Variants in MAEA observed in about 807,000 individuals in gnomAD.
MAEA encodes the protein macrophage erythroblast attacher, E3 ubiquitin ligase, also known as E3 ubiquitin-protein transferase MAEA.
MAEA carries 22 observed loss-of-function variants against 46.2 expected under a neutral mutation model. That is an observed-to-expected ratio of 0.48 (90% CI 0.34 to 0.68). The LOEUF is 0.68. Ranked by LOEUF, MAEA falls within the 30% of genes least tolerant of loss-of-function variation. The pLI, the probability that MAEA is intolerant of heterozygous loss-of-function variation, is 0.01. For synonymous variants in MAEA, 246 were observed against 222.6 expected (o/e 1.11, Z -0.94); for missense variants, 393 against 558.1 (o/e 0.70, Z 2.98).
intron 5 of MAEA, 137 bp from the exon 6 acceptor site, chr4:1,332,620 C>T: frequency 1.6e-6 from 1 of 611,702 alleles, no homozygotes; most frequent in South Asian, 2.0e-5. Flanking sequence ...GGGAAGATCG[C>T]CTGAGCCTGA....
In MAEA at chr4:1,289,891, G is replaced by C. The variant is rs768813306; in HGVS notation, c.-23G>C. 6.3e-7 allele frequency: 1 copy of C among 1,584,308 alleles called. No homozygotes were observed. The highest frequency in any genetic ancestry group is 8.6e-7 in the Non-Finnish European group (1 of 1,163,876). ...CAGCGCGCTCGCGCGTCCCCCGCCC[G>C]CTAATGTTTTGGCCGCTTCAAGATG... On this transcript the variant is annotated 5_prime_UTR_variant, in exon 1 of 9. Transcript: ENST00000303400.
chr4:1,327,796 A>T (rs76610741), intron 5 of MAEA, 93 bp downstream of exon 5: 252 of 954,176 alleles, frequency 2.6e-4, no homozygotes, highest in Admixed American at 9.6e-4. Flanking sequence ...GGGTCCTGGG[A>T]CGTCCCCTGG....
At position 1,315,403 on chromosome 4, in the gene MAEA, GA is replaced by G; in HGVS notation, c.261del (p.Glu87AspfsTer42). ...KLSVLKRKAV[E>X]SIQAEDESAK... ...TCTGTTGTGTGTGGCTCAGGCGGTG[GA>G]ATCCATCCAGGCCGAGGACGAGAGC... On this transcript the variant is annotated frameshift_variant, in exon 3 of 9. Transcript: ENST00000303400. LOFTEE classifies it high-confidence loss of function. 1 of 1,613,846 alleles carries G rather than the reference GA, an allele frequency of 6.2e-7. No individual in the cohort carries two copies. Among genetic ancestry groups the G allele is most frequent in the East Asian group, 2.2e-5 (1 of 44,878 alleles).
At chr4:1,297,474 TAC>T (rs1434300445) in intron 1 of MAEA, among the ~76,000 whole-genome samples, 1 of 152,202 alleles carries the variant, frequency 6.6e-6, no homozygotes, top group African/African-American at 2.4e-5. Context: ...TGTGTGTGTA[TAC>T]ATACATATAG....
intron 1 of MAEA, among the ~76,000 whole-genome samples, chr4:1,310,817 C>T (rs1294161731): frequency 2.0e-5 from 3 of 152,176 alleles, no homozygotes; most frequent in African/African-American, 4.8e-5. Context: ...CGCCTCCTGC[C>T]CCTGCTTTCG....
At chr4:1,308,255 A>G (rs2108894540) in intron 1 of MAEA, among the ~76,000 whole-genome samples, 1 of 152,246 alleles carries the variant, frequency 6.6e-6, no homozygotes, top group South Asian at 2.1e-4. Flanking sequence ...GTGCAGTGAG[A>G]ATGCAGTATC....
intron 5 of MAEA, chr4:1,330,231 G>C (rs1374373638): frequency 5.4e-6 from 4 of 736,872 alleles, no homozygotes; most frequent in Non-Finnish European, 6.6e-6. Flanking sequence ...GGCTTTGTGT[G>C]AGCAGCTCCG....
At chr4:1,328,785 C>T (rs937843837) in intron 5 of MAEA, 9 of 1,106,766 alleles carry the variant, frequency 8.1e-6, no homozygotes, top group Middle Eastern at 5.5e-4. Context: ...GGTCCTGCTC[C>T]GGCTCCTGAT....
At position 1,339,217 on chromosome 4, in the gene MAEA, G is replaced by A. The variant is rs373660493; in HGVS notation, c.*48G>A. 300 of 1,404,664 alleles carry A rather than the reference G, an allele frequency of 2.1e-4. No homozygotes were observed. The African/African-American group carries it at 3.9e-3, about 18-fold the overall frequency. The allele number at this position is 1,404,664 out of a possible 1,614,324, so 87.0% of individuals were successfully genotyped here. On this transcript the variant is annotated 3_prime_UTR_variant, in exon 9 of 9. Transcript: ENST00000303400. The stretch of plus-strand genomic sequence containing the variant: ...CCTCGGGGACGGGCTGCAGTGGGCG[G>A]GGAGGCCACGCCTTCCTCCTGTCCC...
chr4:1,291,763 A>G, intron 1 of MAEA, among the ~76,000 whole-genome samples: 1 of 152,366 alleles, frequency 6.6e-6, no homozygotes, highest in East Asian at 1.9e-4. Flanking sequence ...ATTCTTCTTC[A>G]GGTCTTCTGC....
At chr4:1,299,761 C>T (rs959257880) in intron 1 of MAEA, 4 of 152,358 alleles carry the variant, frequency 2.6e-5, no homozygotes, top group African/African-American at 9.7e-5. Context: ...CATGTCCTCA[C>T]CTCCTTCAAT....
chr4:1,296,829 G>C (rs553827841), intron 1 of MAEA, among the ~76,000 whole-genome samples: 1 of 152,194 alleles, frequency 6.6e-6, no homozygotes, highest in South Asian at 2.1e-4. Flanking sequence ...CCATCACTCG[G>C]CTCCCGTGAC....
intron 1 of MAEA, among the ~76,000 whole-genome samples, chr4:1,291,323 A>T (rs911778319): frequency 6.6e-6 from 1 of 152,216 alleles, no homozygotes; most frequent in Non-Finnish European, 1.5e-5. Flanking sequence ...GTGGGGTTTC[A>T]TGGTGCTTGT....
Position 1,332,876 on chromosome 4 carries a change from C to T in MAEA, c.765+11C>T, listed in dbSNP as rs201030783. On this transcript the variant is annotated intron_variant, in intron 6 of 8. Coordinates refer to ENST00000303400, the MANE Select transcript of MAEA (RefSeq NM_001017405.3). ...ATCTCCCCGTACAAGGTAGGGCGTG[C>T]GTCCCTGGGGTCGGTGTCATGCTGG... 1,701 of 1,594,514 alleles carry T rather than the reference C, an allele frequency of 1.1e-3. No homozygotes were observed. The highest frequency in any genetic ancestry group is 1.6e-3 in the Admixed American group (94 of 59,150).
At position 1,328,298 on chromosome 4, in the gene MAEA, G is replaced by A. The variant is rs141473985; in HGVS notation, c.656+595G>A. ...GCTCAGCCCAGTTGGGGTGCACGGC[G>A]TCTGCAAAGGAAGAGAGGCTGTCCG... On this transcript the variant is annotated intron_variant, in intron 5 of 8. Coordinates refer to ENST00000303400, the MANE Select transcript of MAEA (RefSeq NM_001017405.3). 1.2e-4 allele frequency among the ~76,000 whole-genome samples: 19 copies of A among 152,326 alleles called. No homozygotes were observed. In the East Asian group the frequency reaches 3.1e-3, roughly 25 times the overall value.
At chr4:1,308,522 G>A (rs182867490) in intron 1 of MAEA, among the ~76,000 whole-genome samples, 9 of 152,338 alleles carry the variant, frequency 5.9e-5, no homozygotes, top group East Asian at 3.9e-4. Flanking sequence ...TACACGCTGC[G>A]CCGGGCACGT....
chr4:1,334,930 T>C, intron 6 of MAEA: 1 of 985,358 alleles, frequency 1.0e-6, no homozygotes, highest in Non-Finnish European at 1.2e-6. Context: ...TTAAAAATGT[T>C]GGAGTTAAGT....
chr4:1,309,920 C>G (rs1358176837), intron 1 of MAEA: 3 of 1,287,768 alleles, frequency 2.3e-6, no homozygotes, highest in African/African-American at 3.0e-5. Flanking sequence ...AGGCCCCGTT[C>G]CCGCGTAGAA....
intron 1 of MAEA, chr4:1,309,516 A>G: frequency 7.4e-7 from 1 of 1,352,640 alleles, no homozygotes; most frequent in Non-Finnish European, 9.6e-7. Flanking sequence ...TGCTGGAGGG[A>G]GAGGGGGTGC....
Sources: gnomAD v4.1 joint callset for allele counts (sites outside exome capture counted in the v4.1 genomes callset) on GRCh38, gnomAD v4.1.1 for gene constraint, MANE v1.5 for transcripts, NCBI Gene and HGNC (gene_info 2026-07-23, HGNC 2026-07-21) for gene names.